Variants in MMP16 observed in about 807,000 individuals in gnomAD.
MMP16 encodes the protein matrix metallopeptidase 16.
MMP16 carries 12 observed loss-of-function variants against 67.8 expected under a neutral mutation model. The ratio of observed to expected loss-of-function variants is 0.18; its 90% confidence interval spans 0.11 to 0.29. MMP16 has a LOEUF of 0.29. Among genes scored for constraint, MMP16 ranks in the 10% least tolerant of loss-of-function variants. The pLI, the probability that MMP16 is intolerant of heterozygous loss-of-function variation, is 1.00. For synonymous variants in MMP16, 249 were observed against 255.9 expected, an observed-to-expected ratio of 0.97 and a Z score of 0.26; for missense variants, 475 against 765.7, an observed-to-expected ratio of 0.62 and a Z score of 4.48.
chr8:88,072,629 A>G (rs1808577967), intron 7 of MMP16, among the ~76,000 whole-genome samples: 1 of 152,100 alleles, frequency 6.6e-6, no homozygotes, highest in South Asian at 2.1e-4. Flanking sequence ...TAAGCACCAC[A>G]CCATAAGAAA....
intron 2 of MMP16, among the ~76,000 whole-genome samples, chr8:88,187,057 A>G (rs2129755751): frequency 6.6e-6 from 1 of 152,260 alleles, no homozygotes; most frequent in East Asian, 1.9e-4. Context: ...GGTATATGCT[A>G]CTCTGTTCTA....
chr8:88,250,625 T>C (rs1810195149), intron 1 of MMP16, among the ~76,000 whole-genome samples: 1 of 151,958 alleles, frequency 6.6e-6, no homozygotes, highest in African/African-American at 2.4e-5. Flanking sequence ...AAAGACCAAT[T>C]AGTAGGGGCT....
rs1351094815 is a variant in MMP16 at position 88,034,389 on chromosome 8, G to C, written c.*7072C>G. On this transcript the variant is annotated 3_prime_UTR_variant, in exon 10 of 10. Coordinates refer to ENST00000286614, the MANE Select transcript of MMP16 (RefSeq NM_005941.5). ...CAAACAAATAACGATCTTAGAATTG[G>C]AGGAGCAGAAAAACCAGGCACACAT... is the stretch of plus-strand genomic sequence containing the variant. 6.6e-6 allele frequency: 1 copy of C among 152,386 alleles called. No individual in the cohort carries two copies. 9.4% of individuals were successfully genotyped at this position (152,386 alleles called of 1,614,324 possible).
chr8:88,176,343 T>C (rs1469981741), intron 3 of MMP16, among the ~76,000 whole-genome samples: 3 of 152,228 alleles, frequency 2.0e-5, no homozygotes, highest in Non-Finnish European at 4.4e-5. Context: ...CTGAATATAA[T>C]AGTTCTTAAT....
chr8:88,261,406 G>GA (rs905031690), intron 1 of MMP16, among the ~76,000 whole-genome samples: 2 of 152,038 alleles, frequency 1.3e-5, no homozygotes, highest in African/African-American at 4.8e-5. Context: ...TTATGAGGGG[G>GA]AAAAAAATAA....
chr8:88,231,492 C>G (rs1451936652), intron 1 of MMP16, among the ~76,000 whole-genome samples: 4 of 152,164 alleles, frequency 2.6e-5, no homozygotes, highest in Non-Finnish European at 4.4e-5. Flanking sequence ...CTGACGAGGA[C>G]CTATCCACCC....
intron 1 of MMP16, among the ~76,000 whole-genome samples, chr8:88,275,436 A>G (rs1339624314): frequency 6.6e-6 from 1 of 151,964 alleles, no homozygotes; most frequent in Non-Finnish European, 1.5e-5. Flanking sequence ...TTTAGTTCCA[A>G]TATAGCTTAG....
chr8:88,181,169 T>C (rs1808974196), intron 3 of MMP16, among the ~76,000 whole-genome samples: 1 of 151,850 alleles, frequency 6.6e-6, no homozygotes, highest in African/African-American at 2.4e-5. Context: ...AACACCATCC[T>C]GGAAACATTA....
At chr8:88,218,728 C>A (rs905598636) in intron 1 of MMP16, among the ~76,000 whole-genome samples, 1 of 151,894 alleles carries the variant, frequency 6.6e-6, no homozygotes, top group African/African-American at 2.4e-5. Context: ...AGAATCCTTC[C>A]AGAATATTGA....
At chr8:88,217,334 T>C (rs1053581037) in intron 1 of MMP16, among the ~76,000 whole-genome samples, 4 of 152,136 alleles carry the variant, frequency 2.6e-5, no homozygotes, top group Non-Finnish European at 4.4e-5. Context: ...TACATGTTTC[T>C]ATCTGCCTGT....
At chr8:88,214,730 G>T (rs1328251709) in intron 1 of MMP16, among the ~76,000 whole-genome samples, 2 of 152,054 alleles carry the variant, frequency 1.3e-5, no homozygotes, top group African/African-American at 4.8e-5. Flanking sequence ...CTGATCTCTT[G>T]AACTTATTCC....
At chr8:88,140,440 C>T (rs1172820700) in intron 4 of MMP16, among the ~76,000 whole-genome samples, 1 of 152,116 alleles carries the variant, frequency 6.6e-6, no homozygotes, top group Non-Finnish European at 1.5e-5. Context: ...AAGTATGACT[C>T]ATATTCATTG....
chr8:88,257,225 G>C (rs1055160832), intron 1 of MMP16, among the ~76,000 whole-genome samples: 1 of 152,174 alleles, frequency 6.6e-6, no homozygotes, highest in East Asian at 1.9e-4. Context: ...AACATGTTGA[G>C]ACAGTCCTTG....
intron 6 of MMP16, among the ~76,000 whole-genome samples, chr8:88,108,281 A>C (rs1188285483): frequency 1.3e-5 from 2 of 151,254 alleles, no homozygotes; most frequent in Non-Finnish European, 3.0e-5. Context: ...TAAGCTTTAG[A>C]AAGTGTTGGA....
chr8:88,137,354 G>T (rs1272711402), intron 4 of MMP16, among the ~76,000 whole-genome samples: 5 of 151,846 alleles, frequency 3.3e-5, no homozygotes, highest in African/African-American at 1.2e-4. Context: ...TTGGAATTTT[G>T]GATAAGGAAT....
At chr8:88,136,575 C>A (rs1204500665) in intron 4 of MMP16, among the ~76,000 whole-genome samples, 1 of 150,816 alleles carries the variant, frequency 6.6e-6, no homozygotes. Flanking sequence ...AGCCTGATAA[C>A]CACAGATTAG....
chr8:88,278,629 C>T (rs1256735948), intron 1 of MMP16, among the ~76,000 whole-genome samples: 1 of 152,120 alleles, frequency 6.6e-6, no homozygotes, highest in East Asian at 1.9e-4. Flanking sequence ...ACAACAAACA[C>T]ACAAGAAGCA....
chr8:88,222,677 C>G (rs1809703651), intron 1 of MMP16, among the ~76,000 whole-genome samples: 1 of 152,212 alleles, frequency 6.6e-6, no homozygotes, highest in East Asian at 1.9e-4. Flanking sequence ...TTCCTTACAC[C>G]TTATACAAAA....
At chr8:88,212,492 CA>C (rs1249434058) in intron 1 of MMP16, among the ~76,000 whole-genome samples, 2 of 151,860 alleles carry the variant, frequency 1.3e-5, no homozygotes, top group Non-Finnish European at 2.9e-5. Context: ...ATAATATTTC[CA>C]AAATATCTAA....
Sources: gnomAD v4.1 joint callset for allele counts (sites outside exome capture counted in the v4.1 genomes callset) on GRCh38, gnomAD v4.1.1 for gene constraint, MANE v1.5 for transcripts, NCBI Gene and HGNC (gene_info 2026-07-23, HGNC 2026-07-21) for gene names.